DEPDC4: variants seen among roughly 807,000 people sequenced by gnomAD.
DEPDC4 encodes the protein DEP domain containing 4.
Under a neutral mutation model 52.0 loss-of-function variants are expected in DEPDC4, and 52 were observed. The ratio of observed to expected loss-of-function variants is 1.00; its 90% CI spans 0.80 to 1.26. DEPDC4 has a LOEUF of 1.26. DEPDC4 is among the 50% of genes most tolerant of loss of function. The pLI, the probability that DEPDC4 is intolerant of heterozygous loss-of-function variation, is 0.00. For missense variants in DEPDC4, 530 were observed against 546.9 expected (o/e 0.97, Z 0.31); for synonymous variants, 201 against 196.8 (o/e 1.02, Z -0.18).
intron 8 of DEPDC4, among the ~76,000 whole-genome samples, chr12:100,245,843 C>G (rs2096182896): frequency 6.6e-6 from 1 of 152,148 alleles, no homozygotes; most frequent in Admixed American, 6.6e-5. Context: ...TTTCCAACTG[C>G]CTAGAGACTT....
intron 1 of DEPDC4, among the ~76,000 whole-genome samples, chr12:100,265,322 G>A (rs879661888): frequency 3.4e-5 from 5 of 147,126 alleles, no homozygotes; most frequent in African/African-American, 7.6e-5. Context: ...TTGGCCAGGC[G>A]CAGTGGCTTA....
At chr12:100,253,110 G>T (rs1032737165) in intron 5 of DEPDC4, among the ~76,000 whole-genome samples, 2 of 152,146 alleles carry the variant, frequency 1.3e-5, no homozygotes, top group Non-Finnish European at 2.9e-5. Context: ...TAGAGACAGG[G>T]TTTCACCATG....
At chr12:100,237,269 G>A (rs1011458667), downstream of DEPDC4, among the ~76,000 whole-genome samples, 3 of 150,164 alleles carry the variant, frequency 2.0e-5, no homozygotes, top group East Asian at 2.0e-4. Flanking sequence ...GTGCAGTGGC[G>A]TGATCTCGGC....
intron 9 of DEPDC4, among the ~76,000 whole-genome samples, chr12:100,234,055 C>T (rs545667493): frequency 3.3e-5 from 5 of 152,168 alleles, no homozygotes; most frequent in Admixed American, 2.6e-4. Context: ...TGTGGTGAGC[C>T]ATGATTACAC....
In DEPDC4 at chr12:100,241,457, A is replaced by T. The variant is rs750502080; in HGVS notation, c.*435T>A. On this transcript the variant is annotated 3_prime_UTR_variant, in exon 10 of 10. Transcript: ENST00000550587. Reference sequence around the variant, plus strand: ...TCATGCCTATAATCCCAGCACTTTAAGAGGCCAAGGCAGGAGGATGACTTG... The same window carrying T: ...TCATGCCTATAATCCCAGCACTTTATGAGGCCAAGGCAGGAGGATGACTTG... Among the ~76,000 whole-genome samples, 1 of 152,140 alleles carries T rather than the reference A, an allele frequency of 6.6e-6. No homozygotes were observed. The highest frequency in any genetic ancestry group is 2.4e-5 in the African/African-American group (1 of 41,440).
At chr12:100,273,193 G>A in the DEPDC4 span, among the ~76,000 whole-genome samples, 1 of 152,094 alleles carries the variant, frequency 6.6e-6, no homozygotes, top group Non-Finnish European at 1.5e-5. Flanking sequence ...TGGCTTTTTA[G>A]CCTCCTTTGC....
At chr12:100,251,851 G>A (rs2096209531) in intron 7 of DEPDC4, among the ~76,000 whole-genome samples, 1 of 151,974 alleles carries the variant, frequency 6.6e-6, no homozygotes, top group Admixed American at 6.5e-5. Context: ...TTACAGGCAT[G>A]AGCCACTGTG....
At chr12:100,231,658 T>G (rs2096135128) in intron 9 of DEPDC4, among the ~76,000 whole-genome samples, 1 of 152,242 alleles carries the variant, frequency 6.6e-6, no homozygotes, top group Non-Finnish European at 1.5e-5. Flanking sequence ...TTTAATGTTT[T>G]ATTAACTTTT....
rs912677710 is a variant in DEPDC4, at chr12:100,263,486, G to A, written c.554+11C>T. On this transcript the variant is annotated intron_variant, in intron 2 of 9. Coordinates refer to ENST00000550587, the MANE Select transcript of DEPDC4 (RefSeq NM_001364818.2). ...AATAAAATATATTACAGTATCTTAG[G>A]TAACACTAACCTCAAGGTTTCATTG... 1 of 1,555,524 alleles carries A rather than the reference G, an allele frequency of 6.4e-7. No homozygotes were observed. The highest frequency in any genetic ancestry group is 1.3e-5 in the South Asian group (1 of 79,578).
intron 8 of DEPDC4, among the ~76,000 whole-genome samples, chr12:100,243,178 T>C (rs1410662973): frequency 6.6e-6 from 1 of 152,176 alleles, no homozygotes; most frequent in Non-Finnish European, 1.5e-5. Context: ...AAATATCTTA[T>C]TGTACCATAC....
chr12:100,261,300 T>A (rs574075656), intron 3 of DEPDC4, among the ~76,000 whole-genome samples: 1 of 152,292 alleles, frequency 6.6e-6, no homozygotes, highest in Admixed American at 6.5e-5. Context: ...TAAATCACAG[T>A]CCTCCAGTGT....
rs201069037 is a variant in DEPDC4 at position 100,254,318 on chromosome 12, A to AC, written c.879-604dup. Among the ~76,000 whole-genome samples the AC allele has an allele frequency of 1.4e-3, 108 of 78,206 alleles. 4 individuals are homozygous for AC. The highest frequency in any genetic ancestry group is 1.5e-3 in the Non-Finnish European group (56 of 37,860). 51.3% of individuals were successfully genotyped at this position (78,206 alleles called of 152,430 possible). A position where few individuals can be genotyped will look rare whatever the true frequency, so the allele number is the denominator to read the frequency against. Reference sequence around the variant, plus strand: ...CTTAATGGTATGTCCCTTTTTTTTGACTTTTTTTTTTTTTTTTTTTTTTTT... The same window carrying AC: ...CTTAATGGTATGTCCCTTTTTTTTGACCTTTTTTTTTTTTTTTTTTTTTTTT... On this transcript the variant is annotated intron_variant, in intron 4 of 9. Coordinates refer to ENST00000550587, the MANE Select transcript of DEPDC4 (RefSeq NM_001364818.2).
At chr12:100,278,917 C>T in the DEPDC4 span, among the ~76,000 whole-genome samples, 5 of 152,092 alleles carry the variant, frequency 3.3e-5, no homozygotes, top group African/African-American at 7.2e-5. Context: ...CGTGAGCCAC[C>T]GCGCCTGGCC....
Position 100,241,764 on chromosome 12 carries a change from G to A in DEPDC4, c.*128C>T. 1 of 1,276,938 alleles carries A rather than the reference G, an allele frequency of 7.8e-7. No individual in the cohort carries two copies. Among genetic ancestry groups the A allele is most frequent in the Non-Finnish European group, 1.0e-6 (1 of 982,878 alleles). 79.1% of individuals were successfully genotyped at this position (1,276,938 alleles called of 1,614,324 possible). On this transcript the variant is annotated 3_prime_UTR_variant, in exon 10 of 10. Coordinates refer to ENST00000550587, the MANE Select transcript of DEPDC4 (RefSeq NM_001364818.2). ...GCTGGGGTTACTATTAATCTCAAGA[G>A]CCAACTGGTGTAGATACTGAATTGT...
chr12:100,246,116 C>T (rs929421010), intron 8 of DEPDC4, among the ~76,000 whole-genome samples: 25 of 143,278 alleles, frequency 1.7e-4, no homozygotes, highest in African/African-American at 6.3e-4. Flanking sequence ...TATGCCACTA[C>T]GCCTGGGTTT....
intron 4 of DEPDC4, among the ~76,000 whole-genome samples, chr12:100,254,143 C>T (rs546980149): frequency 1.1e-4 from 17 of 151,976 alleles, no homozygotes; most frequent in African/African-American, 3.1e-4. Context: ...CTTATTTGCC[C>T]ACCCCAATAA....
chr12:100,256,001 TG>T, intron 4 of DEPDC4, 47 bp downstream of exon 4: 4 of 1,437,020 alleles, frequency 2.8e-6, no homozygotes, highest in Non-Finnish European at 3.8e-6. Context: ...GGCAAATATG[TG>T]AAAAAAACTG....
chr12:100,262,299 G>C lies in DEPDC4; in HGVS notation c.665C>G (p.Thr222Arg), dbSNP rs1193167267. The change falls in exon 3 of 10, where the codon ACA becomes AGA. Residue 222 changes from threonine (T) to arginine (R), a missense_variant. Thr to Arg is a moderately conservative substitution (Grantham distance 71). Transcript: ENST00000550587. ...NGNPALCPNI[T>R]VQKPFLRLSK... is the part of the protein sequence containing the mutation. Reference sequence around the variant, plus strand: ...AAGCCGGAGAAAAGGTTTCTGAACTGTGATATTTGGACATAAAGCTGGATT... The same window carrying C: ...AAGCCGGAGAAAAGGTTTCTGAACTCTGATATTTGGACATAAAGCTGGATT... 1.2e-6 allele frequency: 2 copies of C among 1,611,654 alleles called. No individual in the cohort carries two copies. The highest frequency in any genetic ancestry group is 1.7e-6 in the Non-Finnish European group (2 of 1,179,450).
At chr12:100,278,041 T>A in the DEPDC4 span, among the ~76,000 whole-genome samples, 2 of 152,194 alleles carry the variant, frequency 1.3e-5, no homozygotes, top group Non-Finnish European at 2.9e-5. Context: ...CTTGTTACAG[T>A]TTCTTCTGCA....
Sources: gnomAD v4.1 joint callset for allele counts (sites outside exome capture counted in the v4.1 genomes callset) on GRCh38, gnomAD v4.1.1 for gene constraint, MANE v1.5 for transcripts, NCBI Gene and HGNC (gene_info 2026-07-23, HGNC 2026-07-21) for gene names.